MRTFB: variants seen among roughly 807,000 people sequenced by gnomAD.
MRTFB encodes the protein myocardin-related transcription factor B.
In MRTFB, 29 loss-of-function variants were observed where a neutral mutation model predicts 104.2. That is an observed-to-expected ratio of 0.28 (90% CI 0.21 to 0.38). The LOEUF is 0.38. MRTFB is among the 10% of genes least tolerant of loss of function. The pLI is 1.00. For synonymous variants in MRTFB, 535 were observed against 519.5 expected, an observed-to-expected ratio of 1.03 and a Z score of -0.41; for missense variants, 1,270 against 1,341.6, an observed-to-expected ratio of 0.95 and a Z score of 0.83.
In MRTFB at chr16:14,177,116, G is replaced by A. The variant is rs562878534; in HGVS notation, c.155-33127G>A. Among the ~76,000 whole-genome samples, 1 of 152,214 alleles carries A rather than the reference G, an allele frequency of 6.6e-6. No individual in the cohort carries two copies. Among genetic ancestry groups the A allele is most frequent in the Non-Finnish European group, 1.5e-5 (1 of 68,038 alleles). ...TGTATTAGTGAATACCAAGTAGTTC[G>A]AATTAGCTGAAGCATAGGGAACATG... On this transcript the variant is annotated intron_variant, in intron 3 of 16. Transcript: ENST00000571589. The surrounding 1 kb of genome is among the most constrained non-coding windows in gnomAD (Gnocchi z 4.7).
chr16:14,218,208 C>T (rs953467582), intron 7 of MRTFB, among the ~76,000 whole-genome samples: 7 of 152,176 alleles, frequency 4.6e-5, no homozygotes, highest in Middle Eastern at 3.4e-3. Context: ...TACAGGCACC[C>T]GCCACATGCC....
At chr16:14,031,477 A>G in the MRTFB span, among the ~76,000 whole-genome samples, 1 of 152,100 alleles carries the variant, frequency 6.6e-6, no homozygotes, top group Non-Finnish European at 1.5e-5. Flanking sequence ...CTTACTACGT[A>G]CTAGAAAAAT....
the MRTFB span, among the ~76,000 whole-genome samples, chr16:14,043,878 C>T: frequency 6.6e-5 from 10 of 152,194 alleles, no homozygotes; most frequent in Non-Finnish European, 1.0e-4. Context: ...TAAGAACTCA[C>T]CATCAAGTGA....
chr16:14,044,468 A>G, the MRTFB span, among the ~76,000 whole-genome samples: 24 of 152,188 alleles, frequency 1.6e-4, 1 homozygote, highest in Non-Finnish European at 3.2e-4. Flanking sequence ...AAAGCAAGGA[A>G]ATTGAGGCTC....
At chr16:14,167,887 C>T (rs1180906327) in intron 3 of MRTFB, among the ~76,000 whole-genome samples, 13 of 151,960 alleles carry the variant, frequency 8.6e-5, no homozygotes, top group Non-Finnish European at 1.5e-5. Context: ...TGGGGTTTCA[C>T]CGTGTTAACC....
intron 8 of MRTFB, among the ~76,000 whole-genome samples, chr16:14,228,441 G>T (rs1054999476): frequency 6.6e-6 from 1 of 152,120 alleles, no homozygotes; most frequent in Non-Finnish European, 1.5e-5. Context: ...TGGGCGTGGT[G>T]GTACGTGCCT....
intron 3 of MRTFB, chr16:14,144,069 T>G (rs1448421368): frequency 6.6e-6 from 1 of 152,222 alleles, no homozygotes; most frequent in African/African-American, 2.4e-5. Flanking sequence ...AATGTATTGG[T>G]TTTTTTCTCT....
the MRTFB span, among the ~76,000 whole-genome samples, chr16:14,039,723 C>G: frequency 6.8e-6 from 1 of 147,750 alleles, no homozygotes; most frequent in Admixed American, 6.7e-5. Context: ...TGTCTATTAT[C>G]TATTATTGTA....
At chr16:14,108,723 T>C (rs2036123884) in intron 2 of MRTFB, among the ~76,000 whole-genome samples, 1 of 152,254 alleles carries the variant, frequency 6.6e-6, no homozygotes, top group Admixed American at 6.5e-5. Flanking sequence ...AAAATAATTA[T>C]TAGAGTTACA....
chr16:14,146,118 T>C (rs888402876), intron 3 of MRTFB, among the ~76,000 whole-genome samples: 2 of 152,260 alleles, frequency 1.3e-5, no homozygotes, highest in Admixed American at 6.5e-5. Context: ...AAAAACTGTT[T>C]GGTATTTTAA....
At chr16:14,084,178 A>G (rs1335856185) in intron 2 of MRTFB, among the ~76,000 whole-genome samples, 1 of 152,176 alleles carries the variant, frequency 6.6e-6, no homozygotes. Context: ...TACTATTTCA[A>G]ATACTGAAAG....
intron 3 of MRTFB, among the ~76,000 whole-genome samples, chr16:14,188,174 G>T (rs1254226579): frequency 5.3e-5 from 8 of 152,188 alleles, no homozygotes. Flanking sequence ...CAATGGAGTT[G>T]CCTCTGCTTG....
At chr16:14,236,515 T>C (rs1311213984) in intron 9 of MRTFB, among the ~76,000 whole-genome samples, 1 of 151,816 alleles carries the variant, frequency 6.6e-6, no homozygotes, top group Non-Finnish European at 1.5e-5. Flanking sequence ...CGGGTGGTGA[T>C]GAATAATGTG....
chr16:14,075,754 G>A (rs2141809802), intron 1 of MRTFB, among the ~76,000 whole-genome samples: 1 of 152,270 alleles, frequency 6.6e-6, no homozygotes, highest in East Asian at 1.9e-4. Context: ...GGCTCGATTG[G>A]AGGAAACAAA....
intron 2 of MRTFB, among the ~76,000 whole-genome samples, chr16:14,113,740 G>C (rs529354521): frequency 2.6e-5 from 4 of 152,080 alleles, no homozygotes; most frequent in Non-Finnish European, 5.9e-5. Context: ...GATCAATAGA[G>C]AACTCTAACA....
chr16:14,055,455 T>G, the MRTFB span, among the ~76,000 whole-genome samples: 1 of 152,250 alleles, frequency 6.6e-6, no homozygotes, highest in African/African-American at 2.4e-5. Context: ...GACCTGTTTC[T>G]GTCCAGGAAC....
intron 3 of MRTFB, among the ~76,000 whole-genome samples, chr16:14,202,669 C>T (rs529443922): frequency 2.0e-5 from 3 of 152,164 alleles, no homozygotes; most frequent in African/African-American, 7.2e-5. Flanking sequence ...ATAGCCACCA[C>T]CATTTTAAAC....
chr16:14,238,879 T>G (rs1198855817), intron 9 of MRTFB, among the ~76,000 whole-genome samples: 1 of 152,218 alleles, frequency 6.6e-6, no homozygotes, highest in Non-Finnish European at 1.5e-5. Context: ...GTTAATTGGA[T>G]TATATTATGT....
intron 3 of MRTFB, among the ~76,000 whole-genome samples, chr16:14,199,210 C>G (rs1372661882): frequency 6.6e-6 from 1 of 152,250 alleles, no homozygotes; most frequent in Non-Finnish European, 1.5e-5. Flanking sequence ...TACACACACC[C>G]TCCTGGTTCC....
Sources: gnomAD v4.1 joint callset for allele counts (sites outside exome capture counted in the v4.1 genomes callset) on GRCh38, gnomAD v4.1.1 for gene constraint, Gnocchi (gnomAD v3.1) non-coding constraint, MANE v1.5 for transcripts, NCBI Gene and HGNC (gene_info 2026-07-23, HGNC 2026-07-21) for gene names.